NLRC5: variants seen among roughly 807,000 people sequenced by gnomAD.
NLRC5 encodes NLR family CARD domain containing 5, also known as protein NLRC5.
A neutral mutation model predicts 206.9 loss-of-function variants in NLRC5; 114 were observed. The observed-to-expected ratio is 0.55, with a 90% confidence interval of 0.47 to 0.64. The LOEUF (loss-of-function observed/expected upper bound fraction) is 0.64. NLRC5 is among the 30% of genes least tolerant of loss of function. The pLI is 0.00. For synonymous variants in NLRC5, 952 were observed against 962.8 expected (o/e 0.99, Z 0.21); for missense variants, 2,008 against 2,305.5 (o/e 0.87, Z 2.64).
intron 13 of NLRC5, 36 bp from the exon 14 acceptor site, chr16:57,036,064 G>T (rs367822091): frequency 1.1e-5 from 17 of 1,578,980 alleles, no homozygotes; most frequent in Admixed American, 3.4e-5. Flanking sequence ...GAGGACTCCA[G>T]CCCCACAATA....
intron 1 of NLRC5, among the ~76,000 whole-genome samples, chr16:57,010,073 A>G (rs1252762926): frequency 6.6e-6 from 1 of 152,236 alleles, no homozygotes; most frequent in African/African-American, 2.4e-5. Context: ...AGCTCAAGGA[A>G]GCATGAAGCT....
chr16:56,992,142 C>T (rs1190476074), intron 1 of NLRC5: 16 of 152,168 alleles, frequency 1.1e-4, no homozygotes, highest in East Asian at 3.9e-4. Flanking sequence ...GAGGCAAGGA[C>T]GGATCCTCTC....
chr16:57,050,577 G>A (rs1182968726), intron 23 of NLRC5, among the ~76,000 whole-genome samples: 1 of 152,188 alleles, frequency 6.6e-6, no homozygotes, highest in Non-Finnish European at 1.5e-5. Context: ...GTGGCTCCAG[G>A]CCCCCCAGGA....
chr16:57,043,439 G>C, intron 19 of NLRC5, 76 bp from the exon 20 acceptor site: 415 of 796,066 alleles, frequency 5.2e-4, no homozygotes, highest in Non-Finnish European at 8.0e-4. Context: ...TCCCTCCCCC[G>C]CCCTGTGCCC....
At chr16:57,005,533 T>C (rs1410105430) in intron 1 of NLRC5, among the ~76,000 whole-genome samples, 2 of 151,632 alleles carry the variant, frequency 1.3e-5, no homozygotes, top group African/African-American at 4.8e-5. Context: ...AAAAGTGAAC[T>C]TGGGAGGTTT....
chr16:57,040,835 G>T, intron 17 of NLRC5, 117 bp downstream of exon 17: 2 of 958,636 alleles, frequency 2.1e-6, no homozygotes, highest in Non-Finnish European at 3.3e-6. Flanking sequence ...CACCTGACCT[G>T]CTGTGTCCAG....
At chr16:57,056,667 T>C (rs1280770854) in intron 27 of NLRC5, among the ~76,000 whole-genome samples, 2 of 152,006 alleles carry the variant, frequency 1.3e-5, no homozygotes, top group Non-Finnish European at 2.9e-5. Flanking sequence ...TTTCTTTCTT[T>C]CTTTTTTTTT....
intron 1 of NLRC5, among the ~76,000 whole-genome samples, chr16:57,001,728 C>T (rs1434189658): frequency 6.6e-6 from 1 of 152,166 alleles, no homozygotes; most frequent in East Asian, 1.9e-4. Context: ...TCACCTCAAG[C>T]ATTTATCCTT....
chr16:57,079,711 G>A, intron 46 of NLRC5, 82 bp downstream of exon 46: 1 of 1,140,930 alleles, frequency 8.8e-7, no homozygotes, highest in Non-Finnish European at 1.3e-6. Context: ...AGCCTGCTGT[G>A]TGGCCTGGAG....
rs1211815916 is a variant in NLRC5 at position 57,077,750 on chromosome 16, G to A, written c.4951G>A (p.Gly1651Arg). The stretch of plus-strand genomic sequence containing the variant: ...AGGGAATAGCATCAGCTCAGCCGGG[G>A]GAGTGCAGTTGGCAGAGTCTCTCGT... ...LSGNSISSAG[G>R]VQLAESLVLC... Residue 1651 changes from glycine to arginine, a missense_variant, in exon 42 of 49, where the codon GGA (glycine) becomes AGA (arginine). Transcript: ENST00000688547. 6.2e-7 allele frequency: 1 copy of A among 1,603,718 alleles called. No homozygotes were observed. Among genetic ancestry groups the A allele is most frequent in the African/African-American group, 1.3e-5 (1 of 74,678 alleles).
chr16:57,002,278 G>A (rs1199622800), intron 1 of NLRC5, among the ~76,000 whole-genome samples: 1 of 152,156 alleles, frequency 6.6e-6, no homozygotes, highest in African/African-American at 2.4e-5. Context: ...CTCCCAAGTA[G>A]CTGGGATTAC....
intron 1 of NLRC5, chr16:57,013,889 T>G: frequency 1.7e-6 from 1 of 573,322 alleles, no homozygotes; most frequent in East Asian, 3.4e-5. Flanking sequence ...TATGATATCA[T>G]ATGCAGATTC....
At chr16:57,080,428 A>G (rs2068982382) in intron 46 of NLRC5, among the ~76,000 whole-genome samples, 1 of 150,758 alleles carries the variant, frequency 6.6e-6, no homozygotes, top group African/African-American at 2.4e-5. Context: ...TTCTATATGG[A>G]GTCTGTAACA....
At chr16:56,996,163 GCTTT>G (rs754043341) in intron 1 of NLRC5, among the ~76,000 whole-genome samples, 15 of 151,962 alleles carry the variant, frequency 9.9e-5, no homozygotes, top group Non-Finnish European at 2.1e-4. Flanking sequence ...GTTTTCCTTG[GCTTT>G]CTTTCTTTCT....
At chr16:57,032,945 C>A (rs1467825133) in intron 11 of NLRC5, among the ~76,000 whole-genome samples, 2 of 151,810 alleles carry the variant, frequency 1.3e-5, no homozygotes, top group African/African-American at 4.8e-5. Context: ...CTGCAGTGAA[C>A]TGGGATAGAG....
rs553282892 is a variant in NLRC5 at position 57,007,546 on chromosome 16, A to T, written c.-127-9528A>T. ...GAGACCAGCCTGGTCAACATGGTGA[A>T]ACTCAGTCTCTATTAAAAATACAAA... On this transcript the variant is annotated intron_variant, in intron 1 of 48. Transcript: ENST00000688547. Among the ~76,000 whole-genome samples the T allele has an allele frequency of 2.0e-5, 3 of 152,024 alleles. No homozygotes were observed. In the East Asian group the frequency reaches 5.8e-4, roughly 29 times the overall value.
intron 42 of NLRC5, 44 bp from the exon 43 acceptor site, chr16:57,077,899 G>T: frequency 6.2e-7 from 1 of 1,609,900 alleles, no homozygotes; most frequent in African/African-American, 1.3e-5. Context: ...GGGGTCCCGA[G>T]TGGGCAGGCC....
At chr16:57,047,850 T>C (rs962791156) in intron 23 of NLRC5, 15 of 583,892 alleles carry the variant, frequency 2.6e-5, no homozygotes, top group Non-Finnish European at 4.3e-5. Context: ...TGTGCTGGAC[T>C]GGGGAAGCCT....
At chr16:57,008,741 A>G (rs2059179222) in intron 1 of NLRC5, among the ~76,000 whole-genome samples, 2 of 152,208 alleles carry the variant, frequency 1.3e-5, no homozygotes, top group Non-Finnish European at 2.9e-5. Context: ...TTTTTAAAAG[A>G]AAAAGCCTAG....
Sources: gnomAD v4.1 joint callset for allele counts (sites outside exome capture counted in the v4.1 genomes callset) on GRCh38, gnomAD v4.1.1 for gene constraint, MANE v1.5 for transcripts, NCBI Gene and HGNC (gene_info 2026-07-23, HGNC 2026-07-21) for gene names.